Variants in GPC6 observed in about 807,000 individuals in gnomAD.
The protein encoded by GPC6 is glypican-6.
Under a neutral mutation model 55.2 loss-of-function variants are expected in GPC6, and 14 were observed. That is an observed-to-expected ratio of 0.25 (90% CI 0.17 to 0.40). GPC6 has a LOEUF of 0.40. GPC6 is among the 10% of genes least tolerant of loss of function. The probability of loss-of-function intolerance (pLI) is 1.00; values close to 1 mark genes in which losing one functional copy is unlikely to be tolerated. For synonymous variants in GPC6, 278 were observed against 259.6 expected, an observed-to-expected ratio of 1.07 and a Z score of -0.68; for missense variants, 641 against 708.5, an observed-to-expected ratio of 0.90 and a Z score of 1.08.
chr13:94,184,045 C>A (rs75406546), intron 4 of GPC6, among the ~76,000 whole-genome samples: 1,728 of 152,156 alleles, frequency 0.011, 24 homozygotes, highest in African/African-American at 0.039. Flanking sequence ...GTTGGCTAGC[C>A]ATATGCAGAA....
At chr13:93,475,869 C>A (rs1879284219) in intron 1 of GPC6, among the ~76,000 whole-genome samples, 1 of 151,982 alleles carries the variant, frequency 6.6e-6, no homozygotes, top group Non-Finnish European at 1.5e-5. Context: ...TCAGAAAAAA[C>A]ATTTGAACAA....
intron 2 of GPC6, among the ~76,000 whole-genome samples, chr13:93,721,501 G>A (rs902978069): frequency 1.3e-5 from 2 of 151,602 alleles, no homozygotes; most frequent in African/African-American, 4.8e-5. Flanking sequence ...ACACAAATTT[G>A]CTGATGAGAT....
chr13:93,478,029 G>A (rs1241028192), intron 1 of GPC6, among the ~76,000 whole-genome samples: 2 of 152,072 alleles, frequency 1.3e-5, no homozygotes, highest in African/African-American at 4.8e-5. Flanking sequence ...GAGGCTTTTA[G>A]AGTAGCTAGA....
intron 1 of GPC6, among the ~76,000 whole-genome samples, chr13:93,429,592 G>C (rs1877279769): frequency 6.6e-6 from 1 of 152,112 alleles, no homozygotes; most frequent in Admixed American, 6.6e-5. Flanking sequence ...TAAAACACTT[G>C]TTTTTCTGGA....
At chr13:93,872,395 T>C (rs1474507376) in intron 3 of GPC6, among the ~76,000 whole-genome samples, 4 of 152,014 alleles carry the variant, frequency 2.6e-5, no homozygotes, top group Non-Finnish European at 5.9e-5. Context: ...CATCCATTTC[T>C]TATAACTGCT....
At chr13:93,713,231 A>G (rs568913129) in intron 2 of GPC6, among the ~76,000 whole-genome samples, 1 of 151,760 alleles carries the variant, frequency 6.6e-6, no homozygotes, top group East Asian at 2.0e-4. Flanking sequence ...AAGGACTAAA[A>G]GTAAGTGAGC....
chr13:93,490,513 AG>A (rs1879937905), intron 1 of GPC6, among the ~76,000 whole-genome samples: 3 of 9,432 alleles, frequency 3.2e-4, no homozygotes, highest in African/African-American at 8.0e-4. Flanking sequence ...TTTTTTTTTG[AG>A]TTTTTTTTTT....
intron 4 of GPC6, among the ~76,000 whole-genome samples, chr13:94,185,543 T>C (rs1290272307): frequency 3.3e-5 from 5 of 151,842 alleles, no homozygotes; most frequent in Non-Finnish European, 5.9e-5. Context: ...GGTTTTCTCA[T>C]TTATATAGCC....
chr13:94,388,022 A>T (rs1159843370), intron 7 of GPC6, among the ~76,000 whole-genome samples: 1 of 152,196 alleles, frequency 6.6e-6, no homozygotes, highest in Non-Finnish European at 1.5e-5. Context: ...TTGTTGATCC[A>T]GGGACCACTT....
At chr13:94,007,939 A>G (rs1882085932) in intron 3 of GPC6, among the ~76,000 whole-genome samples, 1 of 152,184 alleles carries the variant, frequency 6.6e-6, no homozygotes, top group Non-Finnish European at 1.5e-5. Flanking sequence ...AAGAAAATTT[A>G]TTGATAATGC....
intron 4 of GPC6, among the ~76,000 whole-genome samples, chr13:94,263,153 G>A (rs1194587151): frequency 6.6e-6 from 1 of 152,206 alleles, no homozygotes; most frequent in Non-Finnish European, 1.5e-5. Context: ...TTGTAAACAA[G>A]AGGAAGGGCA....
chr13:94,048,746 G>C (rs1226436822), intron 4 of GPC6, among the ~76,000 whole-genome samples: 1 of 152,082 alleles, frequency 6.6e-6, no homozygotes, highest in Non-Finnish European at 1.5e-5. Flanking sequence ...GGGGAGGGCA[G>C]ATGGTAGTAG....
intron 3 of GPC6, among the ~76,000 whole-genome samples, chr13:94,020,028 C>G (rs993275852): frequency 2.8e-4 from 42 of 152,164 alleles, no homozygotes; most frequent in African/African-American, 9.4e-4. Flanking sequence ...TATTTTCACT[C>G]TAATCTTTAT....
intron 4 of GPC6, among the ~76,000 whole-genome samples, chr13:94,225,655 T>G (rs1003996012): frequency 1.5e-5 from 2 of 131,298 alleles, no homozygotes; most frequent in African/African-American, 5.7e-5. Flanking sequence ...TATATGTGTG[T>G]GTGTAAAGTA....
intron 4 of GPC6, among the ~76,000 whole-genome samples, chr13:94,156,933 C>G (rs531330945): frequency 1.3e-5 from 2 of 152,100 alleles, no homozygotes; most frequent in Non-Finnish European, 2.9e-5. Flanking sequence ...GAGGTTTCTT[C>G]CAGAGCTAAT....
At chr13:93,514,018 C>T (rs1881086640) in intron 1 of GPC6, among the ~76,000 whole-genome samples, 1 of 151,520 alleles carries the variant, frequency 6.6e-6, no homozygotes, top group Non-Finnish European at 1.5e-5. Context: ...GGATTACAGG[C>T]ACCCACCACC....
At chr13:93,526,948 T>C (rs964075618) in intron 1 of GPC6, among the ~76,000 whole-genome samples, 1 of 152,124 alleles carries the variant, frequency 6.6e-6, no homozygotes, top group Non-Finnish European at 1.5e-5. Context: ...CTAAGAACTT[T>C]ATCCCAAATA....
intron 1 of GPC6, among the ~76,000 whole-genome samples, chr13:93,541,810 C>A (rs547209040): frequency 1.3e-5 from 2 of 150,470 alleles, no homozygotes; most frequent in African/African-American, 4.9e-5. Context: ...TGTTTTTTGG[C>A]TGCATAAATG....
chr13:93,833,474 T>A (rs1887609007), intron 3 of GPC6, among the ~76,000 whole-genome samples: 1 of 152,158 alleles, frequency 6.6e-6, no homozygotes, highest in African/African-American at 2.4e-5. Context: ...TGATTTAGAG[T>A]TGGAGAAATG....
Sources: allele counts gnomAD v4.1 joint callset (sites outside exome capture counted in the v4.1 genomes callset), GRCh38; gene constraint gnomAD v4.1.1; transcripts MANE v1.5; gene names NCBI Gene and HGNC (gene_info 2026-07-23, HGNC 2026-07-21).